Variants in TDRD10 observed in about 807,000 individuals in gnomAD.
The protein encoded by TDRD10 is tudor domain containing 10, also known as tudor domain-containing protein 10.
TDRD10 carries 40 observed loss-of-function variants against 48.0 expected under a neutral mutation model. That is an observed-to-expected ratio of 0.83 (90% confidence interval 0.65 to 1.09). The LOEUF (loss-of-function observed/expected upper bound fraction) is 1.09, where lower values mean the gene tolerates loss of function less well. TDRD10 is among the 50% of genes least tolerant of loss of function. The pLI, the probability that TDRD10 is intolerant of heterozygous loss-of-function variation, is 0.00. For missense variants in TDRD10, 378 were observed against 434.7 expected (o/e 0.87, Z 1.16); for synonymous variants, 162 against 170.4 (o/e 0.95, Z 0.38).
At position 154,547,894 on chromosome 1, in the gene TDRD10, T is replaced by TAAA; in HGVS notation, c.*184_*185insAAA. 3.0e-6 allele frequency: 2 copies of TAAA among 661,450 alleles called. No homozygotes were observed. Among genetic ancestry groups the TAAA allele is most frequent in the South Asian group, 3.9e-5 (2 of 51,910 alleles). The allele number at this position is 661,450 out of a possible 1,614,324, so 41.0% of individuals were successfully genotyped here. ...TCTCAAAAGAGAGTGAAGTCTCATT[T>TAAA]GTCATGTGTCTTCAGTTCCCCAACT... On this transcript the variant is annotated 3_prime_UTR_variant, in exon 13 of 13. Coordinates refer to ENST00000368482, the MANE Select transcript of TDRD10 (RefSeq NM_182499.4).
intron 11 of TDRD10, 81 bp downstream of exon 11, chr1:154,545,030 A>C: frequency 6.5e-7 from 1 of 1,546,566 alleles, no homozygotes; most frequent in Non-Finnish European, 8.7e-7. Context: ...AACAGGAAGC[A>C]GCATAGTGGG....
chr1:154,516,242 G>T (rs1693759625), intron 4 of TDRD10, among the ~76,000 whole-genome samples: 1 of 152,164 alleles, frequency 6.6e-6, no homozygotes, highest in Non-Finnish European at 1.5e-5. Context: ...GGGTGTATGG[G>T]GTCCAAGGCG....
At chr1:154,532,227 A>C (rs1460402815) in intron 6 of TDRD10, among the ~76,000 whole-genome samples, 1 of 152,186 alleles carries the variant, frequency 6.6e-6, no homozygotes, top group Non-Finnish European at 1.5e-5. Context: ...GCAGGTCCCA[A>C]GCCCTGCCCT....
In TDRD10 at chr1:154,547,762, C is replaced by T; in HGVS notation, c.*52C>T. 1 of 1,600,494 alleles carries T rather than the reference C, an allele frequency of 6.2e-7. No homozygotes were observed. Among genetic ancestry groups the T allele is most frequent in the Non-Finnish European group, 8.6e-7 (1 of 1,169,208 alleles). ...TCCTGTTTGCCACGGATCCAGAGGC[C>T]ACCTGCCCTGTCTTCTCGTACCCCT... On this transcript the variant is annotated 3_prime_UTR_variant, in exon 13 of 13. Transcript: ENST00000368482.
intron 6 of TDRD10, among the ~76,000 whole-genome samples, chr1:154,521,793 A>T (rs1694073524): frequency 6.6e-6 from 1 of 152,210 alleles, no homozygotes; most frequent in Non-Finnish European, 1.5e-5. Flanking sequence ...TGTAGCAGAC[A>T]TTGAGTGTCT....
At chr1:154,535,516 C>A (rs796303949) in intron 6 of TDRD10, among the ~76,000 whole-genome samples, 10 of 151,978 alleles carry the variant, frequency 6.6e-5, no homozygotes, top group African/African-American at 2.4e-4. Flanking sequence ...CCTGGGCAAC[C>A]CTGTCGACAA....
intron 6 of TDRD10, among the ~76,000 whole-genome samples, chr1:154,535,942 C>T (rs954018676): frequency 5.9e-5 from 9 of 152,156 alleles, no homozygotes; most frequent in Non-Finnish European, 7.4e-5. Flanking sequence ...GAGACTCCAG[C>T]GGTGACGTTG....
intron 4 of TDRD10, among the ~76,000 whole-genome samples, chr1:154,511,249 T>C (rs1169250068): frequency 2.0e-5 from 3 of 151,342 alleles, no homozygotes; most frequent in African/African-American, 7.3e-5. Flanking sequence ...GGACCACAGG[T>C]GTGCACCACC....
intron 4 of TDRD10, among the ~76,000 whole-genome samples, chr1:154,512,731 T>C (rs1414129142): frequency 6.6e-6 from 1 of 152,218 alleles, no homozygotes; most frequent in African/African-American, 2.4e-5. Context: ...GTAACACTCC[T>C]GGCCCATAGA....
intron 4 of TDRD10, among the ~76,000 whole-genome samples, chr1:154,509,627 A>C (rs1283989127): frequency 1.3e-5 from 2 of 152,198 alleles, no homozygotes; most frequent in African/African-American, 4.8e-5. Flanking sequence ...TCACCAAATA[A>C]AAGATGGACC....
chr1:154,520,413 C>T (rs368706504), intron 5 of TDRD10, 39 bp downstream of exon 5: 19 of 1,532,502 alleles, frequency 1.2e-5, no homozygotes, highest in Admixed American at 1.7e-5. Context: ...TGGGAAGCAG[C>T]TCCTTTCCTC....
intron 4 of TDRD10, among the ~76,000 whole-genome samples, chr1:154,513,520 T>C (rs1253206076): frequency 3.9e-5 from 6 of 152,176 alleles, no homozygotes; most frequent in East Asian, 1.9e-4. Flanking sequence ...CTTAATTCAT[T>C]AGGTAAAGTA....
At chr1:154,509,242 C>A (rs952729968) in intron 4 of TDRD10, among the ~76,000 whole-genome samples, 1 of 152,080 alleles carries the variant, frequency 6.6e-6, no homozygotes, top group Admixed American at 6.6e-5. Flanking sequence ...GGAACCCCTG[C>A]AGCATGCCAG....
chr1:154,509,909 C>T, intron 4 of TDRD10: 6 of 974,960 alleles, frequency 6.2e-6, no homozygotes, highest in Non-Finnish European at 7.3e-6. Flanking sequence ...TCTCTTCCCC[C>T]CTCCCCAGTA....
intron 7 of TDRD10, 33 bp downstream of exon 7, chr1:154,542,099 T>C: frequency 2.5e-6 from 4 of 1,612,846 alleles, no homozygotes; most frequent in Non-Finnish European, 3.4e-6. Context: ...TTTCCCAGGA[T>C]GTGGCTTTGC....
At chr1:154,537,490 A>G (rs1694983080) in intron 6 of TDRD10, among the ~76,000 whole-genome samples, 1 of 152,188 alleles carries the variant, frequency 6.6e-6, no homozygotes. Flanking sequence ...CAAAATTTCC[A>G]CCAGGATGGG....
At chr1:154,519,006 C>T (rs1009163427) in intron 4 of TDRD10, among the ~76,000 whole-genome samples, 21 of 152,100 alleles carry the variant, frequency 1.4e-4, no homozygotes, top group Non-Finnish European at 2.8e-4. Context: ...AGTTCAAGTC[C>T]TAATTCTAAA....
chr1:154,529,237 A>T (rs1449153358), intron 6 of TDRD10, among the ~76,000 whole-genome samples: 1 of 151,890 alleles, frequency 6.6e-6, no homozygotes, highest in Non-Finnish European at 1.5e-5. Context: ...GTGCCACCAC[A>T]CCCAGCTACT....
At chr1:154,531,580 A>G (rs1039785444) in intron 6 of TDRD10, among the ~76,000 whole-genome samples, 6 of 152,118 alleles carry the variant, frequency 3.9e-5, no homozygotes, top group Non-Finnish European at 5.9e-5. Flanking sequence ...TGGCTTCAGG[A>G]GTGAAGCTTC....
Sources: gnomAD v4.1 joint callset for allele counts (sites outside exome capture counted in the v4.1 genomes callset) on GRCh38, gnomAD v4.1.1 for gene constraint, MANE v1.5 for transcripts, NCBI Gene and HGNC (gene_info 2026-07-23, HGNC 2026-07-21) for gene names.